TAFA5: variants seen among roughly 807,000 people sequenced by gnomAD.
TAFA5 encodes TAFA chemokine like family member 5.
A neutral mutation model predicts 15.3 loss-of-function variants in TAFA5; 6 were observed. The observed-to-expected ratio is 0.39, with a 90% CI of 0.21 to 0.77. TAFA5 has a LOEUF of 0.77. Ranked by LOEUF, TAFA5 falls within the 30% of genes least tolerant of loss-of-function variation. The probability of loss-of-function intolerance (pLI) is 0.41; values close to 1 mark genes in which losing one functional copy is unlikely to be tolerated. For missense variants in TAFA5, 161 were observed against 193.1 expected (o/e 0.83, Z 0.98); for synonymous variants, 103 against 80.7 (o/e 1.28, Z -1.48).
At position 48,502,155 on chromosome 22, in the gene TAFA5, T is replaced by C. The variant is rs572557686; in HGVS notation, c.112+12451T>C. The stretch of plus-strand genomic sequence containing the variant: ...CAATGAACATCTCAGAATTTACTTA[T>C]TTCTTTTTAAAAATCCATTGGATAA... On this transcript the variant is annotated intron_variant, in intron 1 of 3. Transcript: ENST00000402357. Among the ~76,000 whole-genome samples, 7 of 152,336 alleles carry C rather than the reference T, an allele frequency of 4.6e-5. No individual in the cohort carries two copies. The South Asian group carries it at 1.2e-3, about 27-fold the overall frequency.
intron 1 of TAFA5, among the ~76,000 whole-genome samples, chr22:48,634,159 TATTC>T (rs1357498833): frequency 4.0e-5 from 6 of 149,692 alleles, no homozygotes; most frequent in Admixed American, 6.6e-5. Flanking sequence ...TTCACTCACT[TATTC>T]AATCATTTAC....
intron 1 of TAFA5, among the ~76,000 whole-genome samples, chr22:48,532,270 G>C (rs538875549): frequency 6.6e-6 from 1 of 152,194 alleles, no homozygotes; most frequent in African/African-American, 2.4e-5. Context: ...AGGAGATTAC[G>C]GAGGCCGCAC....
chr22:48,598,687 T>C lies in TAFA5; in HGVS notation c.113-47910T>C, dbSNP rs1179488352. ...CAGACACCAAATGAATATCTGGCCATTTAATTAAATTGTCCTCCAATTTAA... is the reference window on the plus strand; with the variant it reads ...CAGACACCAAATGAATATCTGGCCACTTAATTAAATTGTCCTCCAATTTAA... On this transcript the variant is annotated intron_variant, in intron 1 of 3. Coordinates refer to ENST00000402357, the MANE Select transcript of TAFA5 (RefSeq NM_001082967.3). The surrounding 1 kb of genome is among the most constrained non-coding windows in gnomAD (Gnocchi z 4.0). 1.3e-5 allele frequency among the ~76,000 whole-genome samples: 2 copies of C among 152,160 alleles called. No individual in the cohort carries two copies. The highest frequency in any genetic ancestry group is 4.8e-5 in the African/African-American group (2 of 41,412).
At chr22:48,626,776 T>C (rs147741713) in intron 1 of TAFA5, among the ~76,000 whole-genome samples, 37 of 152,366 alleles carry the variant, frequency 2.4e-4, no homozygotes, top group African/African-American at 8.2e-4. Context: ...CAAGGCTCCA[T>C]AGATTTTTCT....
intron 1 of TAFA5, among the ~76,000 whole-genome samples, chr22:48,535,526 T>C (rs1922125562): frequency 6.6e-6 from 1 of 152,168 alleles, no homozygotes; most frequent in East Asian, 1.9e-4. Context: ...CACAGGCACA[T>C]GTATGAGCAC....
At chr22:48,589,315 G>T (rs1924475050) in intron 1 of TAFA5, among the ~76,000 whole-genome samples, 1 of 152,210 alleles carries the variant, frequency 6.6e-6, no homozygotes, top group Admixed American at 6.5e-5. Flanking sequence ...GCAGAGTGAG[G>T]ACTTGAGTCT....
chr22:48,519,113 T>C (rs1921518430), intron 1 of TAFA5, among the ~76,000 whole-genome samples: 1 of 152,210 alleles, frequency 6.6e-6, no homozygotes, highest in African/African-American at 2.4e-5. Flanking sequence ...TAGTTTAAAT[T>C]TGAAAATTAA....
chr22:48,727,670 G>A (rs1929752109), intron 3 of TAFA5, among the ~76,000 whole-genome samples: 1 of 152,190 alleles, frequency 6.6e-6, no homozygotes, highest in South Asian at 2.1e-4. Context: ...ATCAAATCAA[G>A]TGTTGAAAAT....
At chr22:48,564,134 C>T (rs756077452) in intron 1 of TAFA5, among the ~76,000 whole-genome samples, 3 of 152,202 alleles carry the variant, frequency 2.0e-5, no homozygotes, top group Non-Finnish European at 2.9e-5. Context: ...CCCCTGGTCA[C>T]GCTGTGGGCA....
chr22:48,748,743 C>G (rs1930398369), intron 3 of TAFA5, among the ~76,000 whole-genome samples: 1 of 152,176 alleles, frequency 6.6e-6, no homozygotes. Context: ...TGACCCCTGG[C>G]CCTGACGGAA....
chr22:48,526,287 T>A lies in TAFA5; in HGVS notation c.112+36583T>A, dbSNP rs185053650. Among the ~76,000 whole-genome samples, 566 of 152,250 alleles carry A rather than the reference T, an allele frequency of 3.7e-3. 4 individuals carry two copies. Among genetic ancestry groups the A allele is most frequent in the African/African-American group, 0.013 (542 of 41,556 alleles). ...TATGCCATCTGTGTCTTTGGGGAGG[T>A]CCCCTGCACCCTGGCCAGGAGCCGA... is the stretch of plus-strand genomic sequence containing the variant. On this transcript the variant is annotated intron_variant, in intron 1 of 3. Coordinates refer to ENST00000402357, the MANE Select transcript of TAFA5 (RefSeq NM_001082967.3).
At chr22:48,542,621 G>A (rs796764961) in intron 1 of TAFA5, among the ~76,000 whole-genome samples, 5 of 73,580 alleles carry the variant, frequency 6.8e-5, no homozygotes, top group African/African-American at 3.1e-4. Context: ...TGTGTGTGTG[G>A]TGTGTGTGGG....
intron 1 of TAFA5, among the ~76,000 whole-genome samples, chr22:48,621,226 C>G (rs1159832411): frequency 7.7e-6 from 1 of 130,712 alleles, no homozygotes; most frequent in Non-Finnish European, 1.6e-5. Flanking sequence ...CCAATCCACC[C>G]ACACACCAAT....
At chr22:48,533,412 C>T (rs2147114063) in intron 1 of TAFA5, among the ~76,000 whole-genome samples, 1 of 152,292 alleles carries the variant, frequency 6.6e-6, no homozygotes, top group African/African-American at 2.4e-5. Flanking sequence ...GGTGAGGACT[C>T]CAGGGCAGGC....
At chr22:48,588,964 C>T (rs550703669) in intron 1 of TAFA5, among the ~76,000 whole-genome samples, 2 of 152,340 alleles carry the variant, frequency 1.3e-5, no homozygotes, top group African/African-American at 2.4e-5. Context: ...AGCCAATTAC[C>T]TTCCTTCTCC....
At chr22:48,527,754 C>T (rs921059824) in intron 1 of TAFA5, among the ~76,000 whole-genome samples, 2 of 152,188 alleles carry the variant, frequency 1.3e-5, no homozygotes, top group Admixed American at 6.5e-5. Flanking sequence ...CTGGGTCAGC[C>T]TCTGTCGTGT....
intron 2 of TAFA5, among the ~76,000 whole-genome samples, chr22:48,659,731 C>T (rs1927368109): frequency 7.1e-6 from 1 of 140,042 alleles, no homozygotes; most frequent in African/African-American, 2.8e-5. Context: ...AGGCCTCCGT[C>T]CCTGGCCTTT....
At chr22:48,688,575 T>C (rs956578981) in intron 2 of TAFA5, among the ~76,000 whole-genome samples, 3 of 152,186 alleles carry the variant, frequency 2.0e-5, no homozygotes, top group Non-Finnish European at 4.4e-5. Context: ...CCCTGGCTGC[T>C]CGGGGGACGG....
intron 1 of TAFA5, among the ~76,000 whole-genome samples, chr22:48,615,426 G>A (rs1036820088): frequency 4.6e-5 from 7 of 152,166 alleles, no homozygotes; most frequent in African/African-American, 7.2e-5. Flanking sequence ...AGGCGTGGCC[G>A]AGGACGCTCT....
Sources: gnomAD v4.1 joint callset for allele counts (sites outside exome capture counted in the v4.1 genomes callset) on GRCh38, gnomAD v4.1.1 for gene constraint, Gnocchi (gnomAD v3.1) non-coding constraint, MANE v1.5 for transcripts, NCBI Gene and HGNC (gene_info 2026-07-23, HGNC 2026-07-21) for gene names.